The following ERC1 variants were observed in gnomAD, a reference collection of about 807,000 sequenced individuals.
ERC1 encodes ELKS/RAB6-interacting/CAST family member 1, also known as RAB6 interacting protein 2.
A neutral mutation model predicts 132.0 loss-of-function variants in ERC1; 56 were observed. The observed-to-expected ratio is 0.42, with a 90% confidence interval of 0.34 to 0.53. The LOEUF (loss-of-function observed/expected upper bound fraction) is 0.53. Among genes scored for constraint, ERC1 ranks in the 20% least tolerant of loss-of-function variants. The pLI is 0.03. For synonymous variants in ERC1, 478 were observed against 476.1 expected (o/e 1.00, Z -0.05); for missense variants, 1,202 against 1,349.9 (o/e 0.89, Z 1.72).
At chr12:1,001,013 C>G (rs1368639372) in intron 1 of ERC1, among the ~76,000 whole-genome samples, 1 of 152,092 alleles carries the variant, frequency 6.6e-6, no homozygotes, top group Non-Finnish European at 1.5e-5. Context: ...AAGCGATTCT[C>G]CTGCCTCAGC....
chr12:1,410,911 TA>T (rs113063057), intron 17 of ERC1, among the ~76,000 whole-genome samples: 4,936 of 149,176 alleles, frequency 0.033, 310 homozygotes, highest in African/African-American at 0.11. Flanking sequence ...ACATGGTGTT[TA>T]AAAAAAAAAC....
At chr12:1,006,294 T>A (rs1238231163) in intron 1 of ERC1, among the ~76,000 whole-genome samples, 2 of 152,146 alleles carry the variant, frequency 1.3e-5, no homozygotes, top group African/African-American at 4.8e-5. Flanking sequence ...TTTTTCTCGC[T>A]CAGGCTGGAG....
At chr12:1,245,798 T>C (rs928069615) in intron 13 of ERC1, among the ~76,000 whole-genome samples, 1 of 152,236 alleles carries the variant, frequency 6.6e-6, no homozygotes, top group Non-Finnish European at 1.5e-5. Flanking sequence ...GATGTCATGG[T>C]GCCACTCAGT....
intron 1 of ERC1, among the ~76,000 whole-genome samples, chr12:1,019,965 G>A (rs1280666624): frequency 1.6e-4 from 24 of 151,710 alleles, no homozygotes; most frequent in Non-Finnish European, 2.6e-4. Flanking sequence ...GTGTTGTCCA[G>A]GCTGGTCTTG....
chr12:1,090,985 C>T (rs1299216685), intron 3 of ERC1, among the ~76,000 whole-genome samples: 2 of 140,544 alleles, frequency 1.4e-5, no homozygotes, highest in African/African-American at 2.6e-5. Flanking sequence ...GTAACCTCCA[C>T]CTCCCGGGTT....
At chr12:997,617 T>C (rs7954858) in intron 1 of ERC1, among the ~76,000 whole-genome samples, 18,962 of 151,926 alleles carry the variant, frequency 0.12, 1,848 homozygotes, top group African/African-American at 0.27. Context: ...CCTTACTGAG[T>C]ATGGGGGATG....
chr12:1,208,077 A>C (rs1361693911), intron 12 of ERC1, among the ~76,000 whole-genome samples: 1 of 152,132 alleles, frequency 6.6e-6, no homozygotes, highest in African/African-American at 2.4e-5. Context: ...CCTCATAACA[A>C]CTATATGAAT....
At chr12:1,364,936 A>T (rs1297943796) in intron 15 of ERC1, among the ~76,000 whole-genome samples, 1 of 152,218 alleles carries the variant, frequency 6.6e-6, no homozygotes, top group Non-Finnish European at 1.5e-5. Context: ...TTTATAAACC[A>T]AAATCTCTCT....
intron 2 of ERC1, among the ~76,000 whole-genome samples, chr12:1,029,662 G>C (rs967986472): frequency 2.0e-5 from 3 of 151,782 alleles, no homozygotes; most frequent in African/African-American, 4.8e-5. Flanking sequence ...TGATAGCCAT[G>C]CCACATTCAG....
At chr12:1,284,252 G>A (rs1047793671) in intron 14 of ERC1, among the ~76,000 whole-genome samples, 2 of 144,796 alleles carry the variant, frequency 1.4e-5, no homozygotes, top group Non-Finnish European at 3.0e-5. Flanking sequence ...TCTTTTTATG[G>A]CTGAATAGTA....
intron 14 of ERC1, among the ~76,000 whole-genome samples, chr12:1,263,733 A>G (rs1566425081): frequency 6.6e-6 from 1 of 151,970 alleles, no homozygotes; most frequent in Non-Finnish European, 1.5e-5. Context: ...CTTGTCCCCC[A>G]GGCTGGAGTG....
At chr12:1,100,603 G>A (rs1944551793) in intron 3 of ERC1, among the ~76,000 whole-genome samples, 1 of 152,098 alleles carries the variant, frequency 6.6e-6, no homozygotes, top group Non-Finnish European at 1.5e-5. Flanking sequence ...ATTTCCTGAT[G>A]AGTTGGATAT....
At chr12:1,237,902 C>G (rs1402921491) in intron 13 of ERC1, among the ~76,000 whole-genome samples, 1 of 152,146 alleles carries the variant, frequency 6.6e-6, no homozygotes, top group Non-Finnish European at 1.5e-5. Context: ...ACAATCTTTA[C>G]TGGAGAGATT....
At chr12:1,294,445 G>A (rs753428023) in intron 15 of ERC1, among the ~76,000 whole-genome samples, 6 of 152,094 alleles carry the variant, frequency 3.9e-5, no homozygotes, top group East Asian at 3.9e-4. Flanking sequence ...TAAAGGCTCC[G>A]AAAGTCCCTC....
chr12:1,388,316 C>T (rs193175934), intron 16 of ERC1, among the ~76,000 whole-genome samples: 2 of 145,954 alleles, frequency 1.4e-5, no homozygotes, highest in African/African-American at 5.2e-5. Context: ...CGCCACCGCA[C>T]TCCAGCCTGG....
In ERC1 at chr12:1,141,797, A is replaced by AGGT. The variant is rs781749107; in HGVS notation, c.1737+12_1737+14dup. 6.4e-7 allele frequency: 1 copy of AGGT among 1,550,980 alleles called. No individual in the cohort carries two copies. The highest frequency in any genetic ancestry group is 2.3e-5 in the East Asian group (1 of 42,984). On this transcript the variant is annotated intron_variant, in intron 8 of 18. Transcript: ENST00000360905. ...TGTTCTTCAGAAGAAGGTAAGGTAC[A>AGGT]GGTGTTTCGAGTTCAGTGGCCCATT...
chr12:1,313,399 G>A (rs895997497), intron 15 of ERC1, among the ~76,000 whole-genome samples: 3 of 152,060 alleles, frequency 2.0e-5, no homozygotes, highest in Non-Finnish European at 4.4e-5. Context: ...TCCAGATTCC[G>A]TTAGTAAAGG....
chr12:1,405,479 G>A (rs1044378347), intron 16 of ERC1, among the ~76,000 whole-genome samples: 3 of 151,832 alleles, frequency 2.0e-5, no homozygotes, highest in Admixed American at 6.6e-5. Flanking sequence ...CAAAGCAGGC[G>A]GATTATATGA....
chr12:1,311,505 A>T (rs563836684), intron 15 of ERC1, among the ~76,000 whole-genome samples: 1 of 152,300 alleles, frequency 6.6e-6, no homozygotes, highest in African/African-American at 2.4e-5. Context: ...TAATTTATTA[A>T]CCTAATTTTT....
Sources: allele counts gnomAD v4.1 joint callset (sites outside exome capture counted in the v4.1 genomes callset), GRCh38; gene constraint gnomAD v4.1.1; transcripts MANE v1.5; gene names NCBI Gene and HGNC (gene_info 2026-07-23, HGNC 2026-07-21).